MXI1: variants seen among roughly 807,000 people sequenced by gnomAD.
The protein encoded by MXI1 is MAX interactor 1, dimerization protein.
A neutral mutation model predicts 36.9 loss-of-function variants in MXI1; 18 were observed. The ratio of observed to expected loss-of-function variants is 0.49; its 90% CI spans 0.34 to 0.72. The LOEUF (loss-of-function observed/expected upper bound fraction) is 0.72. Ranked by LOEUF, MXI1 falls within the 30% of genes least tolerant of loss-of-function variation. MXI1 has a pLI of 0.01. For missense variants in MXI1, 304 were observed against 379.1 expected, an observed-to-expected ratio of 0.80 and a Z score of 1.64; for synonymous variants, 160 against 146.7, an observed-to-expected ratio of 1.09 and a Z score of -0.65.
intron 1 of MXI1, chr10:110,226,276 G>A: frequency 6.7e-7 from 1 of 1,497,590 alleles, no homozygotes; most frequent in South Asian, 1.2e-5. Context: ...TGGAGCGCCG[G>A]GAGCGAGGTA....
chr10:110,231,184 T>C (rs985975278), intron 2 of MXI1, among the ~76,000 whole-genome samples: 2 of 152,046 alleles, frequency 1.3e-5, no homozygotes, highest in Admixed American at 6.6e-5. Context: ...CTGGCCAACA[T>C]GATGAAACCC....
At chr10:110,266,194 G>A (rs1856673129) in intron 3 of MXI1, among the ~76,000 whole-genome samples, 1 of 151,548 alleles carries the variant, frequency 6.6e-6, no homozygotes, top group Non-Finnish European at 1.5e-5. Context: ...TGCAACCTCT[G>A]CCTCCCAGGT....
At chr10:110,246,766 G>A (rs566964126) in intron 3 of MXI1, among the ~76,000 whole-genome samples, 63 of 152,214 alleles carry the variant, frequency 4.1e-4, no homozygotes, top group African/African-American at 1.4e-3. Context: ...AGACATTTTG[G>A]TAGTTAGTGG....
intron 1 of MXI1, among the ~76,000 whole-genome samples, chr10:110,224,741 G>C (rs1046063623): frequency 6.7e-6 from 1 of 150,158 alleles, no homozygotes. Context: ...TCCGCCTCCC[G>C]GGTTCAAGCG....
chr10:110,283,295 GCT>G (rs1319835169), intron 5 of MXI1, among the ~76,000 whole-genome samples: 2 of 147,006 alleles, frequency 1.4e-5, no homozygotes, highest in Non-Finnish European at 3.0e-5. Context: ...AGAGTGTCTC[GCT>G]CTGTCGCCTA....
intron 1 of MXI1, chr10:110,210,300 T>C: frequency 1.0e-6 from 1 of 984,326 alleles, no homozygotes. Flanking sequence ...AGCACCCAAG[T>C]CTAAGTCAAC....
At chr10:110,273,739 A>G (rs1407690292) in intron 3 of MXI1, among the ~76,000 whole-genome samples, 1 of 152,218 alleles carries the variant, frequency 6.6e-6, no homozygotes, top group Non-Finnish European at 1.5e-5. Context: ...CACTGTCTCC[A>G]TCACTTGACT....
chr10:110,231,699 C>G (rs1855271080), intron 2 of MXI1, among the ~76,000 whole-genome samples: 1 of 152,164 alleles, frequency 6.6e-6, no homozygotes, highest in African/African-American at 2.4e-5. Flanking sequence ...GAGAATGTGG[C>G]TGCAATAGCT....
intron 3 of MXI1, among the ~76,000 whole-genome samples, chr10:110,268,967 A>G (rs1454957414): frequency 2.0e-5 from 3 of 152,196 alleles, no homozygotes; most frequent in Admixed American, 2.0e-4. Flanking sequence ...ATACACACAT[A>G]CACACTGGCC....
intron 3 of MXI1, among the ~76,000 whole-genome samples, chr10:110,256,589 T>G (rs1227072542): frequency 9.2e-6 from 1 of 108,580 alleles, no homozygotes; most frequent in Admixed American, 1.5e-4. Context: ...GGCAATAGAG[T>G]GAGACTCTGT....
intron 5 of MXI1, among the ~76,000 whole-genome samples, chr10:110,281,268 C>A (rs902016627): frequency 6.6e-6 from 1 of 152,088 alleles, no homozygotes; most frequent in African/African-American, 2.4e-5. Context: ...CATCATTTTG[C>A]CCCTAAATAC....
chr10:110,266,299 G>A (rs57900668), intron 3 of MXI1, among the ~76,000 whole-genome samples: 4,302 of 152,048 alleles, frequency 0.028, 214 homozygotes, highest in African/African-American at 0.099. Flanking sequence ...TAGTAGAGAC[G>A]GGGTTTCACC....
In MXI1 at chr10:110,266,716, G is replaced by A. The variant is rs935105667; in HGVS notation, c.438-12464G>A. Among the ~76,000 whole-genome samples the A allele has an allele frequency of 3.9e-5, 6 of 152,108 alleles. 1 individual carries two copies. The highest frequency in any genetic ancestry group is 1.3e-4 in the Admixed American group (2 of 15,268). On this transcript the variant is annotated intron_variant, in intron 3 of 5. Coordinates refer to ENST00000332674, the MANE Select transcript of MXI1 (RefSeq NM_130439.3). ...TAACTTTTGAGATCATGTATTTCAC[G>A]TTGTACATTATATTTTATCTGAGTG... is the stretch of plus-strand genomic sequence containing the variant.
chr10:110,221,247 A>G (rs1416719902), intron 1 of MXI1, among the ~76,000 whole-genome samples: 1 of 152,242 alleles, frequency 6.6e-6, no homozygotes, highest in African/African-American at 2.4e-5. Flanking sequence ...CCCTTATTCC[A>G]TCAGTTTGAT....
intron 3 of MXI1, among the ~76,000 whole-genome samples, chr10:110,271,482 A>G (rs1321059424): frequency 6.6e-6 from 1 of 152,234 alleles, no homozygotes; most frequent in South Asian, 2.1e-4. Flanking sequence ...GAAATCAAGT[A>G]TCATCTGAGG....
At chr10:110,261,474 G>A (rs1307592026) in intron 3 of MXI1, among the ~76,000 whole-genome samples, 2 of 149,484 alleles carry the variant, frequency 1.3e-5, no homozygotes, top group African/African-American at 4.9e-5. Flanking sequence ...TGAGGCAAAA[G>A]CCAAAGCTCT....
rs530090007 is a variant in MXI1 at position 110,231,369 on chromosome 10, C to T, written c.407+3048C>T. On this transcript the variant is annotated intron_variant, in intron 2 of 5. Coordinates refer to ENST00000332674, the MANE Select transcript of MXI1 (RefSeq NM_130439.3). ...GCAACAGAGTGATAATCCACCCCCC[C>T]CCCCTCAAAAAAGTAACTTTATAAA... Among the ~76,000 whole-genome samples the T allele has an allele frequency of 3.3e-5, 5 of 150,634 alleles. No homozygotes were observed. In the East Asian group the frequency reaches 7.8e-4, roughly 24 times the overall value.
intron 2 of MXI1, 22 bp downstream of exon 2, chr10:110,228,343 G>A (rs1301039370): frequency 6.2e-7 from 1 of 1,613,922 alleles, no homozygotes; most frequent in Admixed American, 1.7e-5. Context: ...GGAACGCTTA[G>A]AAGAGGGAAC....
chr10:110,213,303 G>A (rs1415624794), intron 1 of MXI1, among the ~76,000 whole-genome samples: 1 of 152,216 alleles, frequency 6.6e-6, no homozygotes, highest in African/African-American at 2.4e-5. Context: ...GTTTTTGCAT[G>A]GCAGCAATCT....
Sources: allele counts gnomAD v4.1 joint callset (sites outside exome capture counted in the v4.1 genomes callset), GRCh38; gene constraint gnomAD v4.1.1; transcripts MANE v1.5; gene names NCBI Gene and HGNC (gene_info 2026-07-23, HGNC 2026-07-21).